AKAP9: variants seen among roughly 807,000 people sequenced by gnomAD.
AKAP9 encodes the protein A-kinase anchoring protein 9.
In AKAP9, 311 loss-of-function variants were observed where a neutral mutation model predicts 488.5. The observed-to-expected ratio is 0.64, with a 90% CI of 0.58 to 0.70. The LOEUF is 0.70. AKAP9 is among the 30% of genes least tolerant of loss of function. The pLI, the probability that AKAP9 is intolerant of heterozygous loss-of-function variation, is 0.00. For missense variants in AKAP9, 4,215 were observed against 4,374.5 expected (o/e 0.96, Z 1.03); for synonymous variants, 1,462 against 1,483.5 (o/e 0.99, Z 0.33).
rs1791859404 is a variant in AKAP9, at chr7:91,948,990, A to G, written c.48+7843A>G. On this transcript the variant is annotated intron_variant, in intron 1 of 49. Transcript: ENST00000356239. Reference sequence around the variant, plus strand: ...GGTCTTGAACTCCTGACCTCAGGTGATCTGCCCACCTCGGCCTCCCAAAGT... The same window carrying G: ...GGTCTTGAACTCCTGACCTCAGGTGGTCTGCCCACCTCGGCCTCCCAAAGT... Among the ~76,000 whole-genome samples the G allele has an allele frequency of 1.3e-5, 2 of 152,104 alleles. 1 individual carries two copies. Among genetic ancestry groups the G allele is most frequent in the South Asian group, 4.1e-4 (2 of 4,830 alleles).
Position 92,096,549 on chromosome 7 carries a change from C to T in AKAP9, c.9730-140C>T. 4 of 887,208 alleles carry T rather than the reference C, an allele frequency of 4.5e-6. No individual in the cohort carries two copies. The South Asian group carries it at 4.9e-5, about 11-fold the overall frequency. 55.0% of individuals were successfully genotyped at this position (887,208 alleles called of 1,614,324 possible). A position where few individuals can be genotyped will look rare whatever the true frequency, so the allele number is the denominator to read the frequency against. On this transcript the variant is annotated intron_variant, in intron 40 of 49. Transcript: ENST00000356239. ...ACAGGGTTTCACCATGTTGGCCAGG[C>T]TGGGCTTGAACTCTTGACCTCAGGT... is the stretch of plus-strand genomic sequence containing the variant.
At chr7:92,048,599 T>G (rs1336632425) in intron 21 of AKAP9, among the ~76,000 whole-genome samples, 1 of 152,094 alleles carries the variant, frequency 6.6e-6, no homozygotes, top group Non-Finnish European at 1.5e-5. Context: ...TTTGGAGAAA[T>G]GCTGTCTTAT....
At chr7:92,056,598 A>G (rs972629971) in intron 22 of AKAP9, among the ~76,000 whole-genome samples, 2 of 151,584 alleles carry the variant, frequency 1.3e-5, no homozygotes, top group Admixed American at 1.3e-4. Flanking sequence ...AAACCCTAAT[A>G]AACAAAAAAT....
At chr7:92,104,248 T>C (rs1009816199) in intron 46 of AKAP9, among the ~76,000 whole-genome samples, 6 of 151,028 alleles carry the variant, frequency 4.0e-5, no homozygotes, top group African/African-American at 1.2e-4. Flanking sequence ...TGGAGTGCAG[T>C]GGTGCTATCT....
intron 45 of AKAP9, 146 bp from the exon 46 acceptor site, chr7:92,102,448 T>C (rs746770750): frequency 1.2e-4 from 71 of 594,640 alleles, no homozygotes; most frequent in Admixed American, 4.0e-4. Flanking sequence ...CGTTTTACTA[T>C]TACTACTACT....
Position 91,980,518 on chromosome 7 carries a change from T to TTTC in AKAP9, c.351+185_351+186insTTC, listed in dbSNP as rs1554393473. 9.1e-5 allele frequency among the ~76,000 whole-genome samples: 13 copies of TTTC among 143,086 alleles called. No homozygotes were observed. The South Asian group carries it at 2.7e-3, about 30-fold the overall frequency. 93.9% of individuals were successfully genotyped at this position (143,086 alleles called of 152,430 possible). On this transcript the variant is annotated intron_variant, in intron 3 of 49. Transcript: ENST00000356239. ...GACTTTTTTTTTTTTTTTTTTTTTT[T>TTTC]CAGATTATTAGCTAAGGTCTTAAGT...
intron 1 of AKAP9, among the ~76,000 whole-genome samples, chr7:91,945,751 A>G (rs564273798): frequency 1.2e-4 from 18 of 152,324 alleles, no homozygotes; most frequent in Non-Finnish European, 1.8e-4. Context: ...GGATGGCACT[A>G]CATAGGTTGT....
chr7:92,038,344 A>G, intron 16 of AKAP9, 75 bp from the exon 17 acceptor site: 2 of 1,167,900 alleles, frequency 1.7e-6, no homozygotes, highest in South Asian at 2.7e-5. Context: ...TACAATTTTG[A>G]GTACTAATTT....
chr7:92,053,311 A>G (rs1442271256), intron 22 of AKAP9, among the ~76,000 whole-genome samples: 1 of 152,208 alleles, frequency 6.6e-6, no homozygotes, highest in Non-Finnish European at 1.5e-5. Context: ...GCCAGTGTTA[A>G]TGCTGTTGCT....
chr7:92,070,491 A>G (rs151131591), intron 27 of AKAP9, among the ~76,000 whole-genome samples: 1,696 of 151,904 alleles, frequency 0.011, 142 homozygotes, highest in Admixed American at 0.1. Flanking sequence ...CTGGAGTGCA[A>G]TGGTGCGACC....
At chr7:92,067,932 A>C (rs1811020036) in intron 26 of AKAP9, among the ~76,000 whole-genome samples, 1 of 152,214 alleles carries the variant, frequency 6.6e-6, no homozygotes, top group Non-Finnish European at 1.5e-5. Context: ...ATTATTTCTG[A>C]AACAATTTTT....
At position 91,954,532 on chromosome 7, in the gene AKAP9, T is replaced by G. The variant is rs558087929; in HGVS notation, c.48+13385T>G. Among the ~76,000 whole-genome samples, 34 of 152,342 alleles carry G rather than the reference T, an allele frequency of 2.2e-4. No individual in the cohort carries two copies. The South Asian group carries it at 7.0e-3, about 32-fold the overall frequency. On this transcript the variant is annotated intron_variant, in intron 1 of 49. Transcript: ENST00000356239. ...ATCCTCCCACCTCAGCCTCCTGAAG[T>G]GCTGGGGTTATGGGCGCAAGCCACT...
intron 1 of AKAP9, among the ~76,000 whole-genome samples, chr7:91,955,992 A>G (rs1562891723): frequency 6.6e-6 from 1 of 152,066 alleles, no homozygotes. Context: ...GTATTTCCTC[A>G]TTTTCCATAA....
At chr7:92,073,378 C>T (rs1038459439) in intron 28 of AKAP9, among the ~76,000 whole-genome samples, 21 of 149,698 alleles carry the variant, frequency 1.4e-4, no homozygotes, top group Non-Finnish European at 1.8e-4. Context: ...TGGTGGCGGG[C>T]GCCTGTAGTC....
intron 3 of AKAP9, among the ~76,000 whole-genome samples, chr7:91,987,176 G>C (rs1017192642): frequency 2.0e-5 from 3 of 152,070 alleles, no homozygotes; most frequent in Admixed American, 6.6e-5. Context: ...CCCACACTTT[G>C]GGAGGCCAAA....
intron 31 of AKAP9, among the ~76,000 whole-genome samples, chr7:92,081,318 T>G (rs1584470103): frequency 6.6e-6 from 1 of 150,864 alleles, no homozygotes; most frequent in Non-Finnish European, 1.5e-5. Context: ...TTTTTTTTTT[T>G]CTTGAGACAG....
At position 92,099,747 on chromosome 7, in the gene AKAP9, A is replaced by C. The variant is rs751653287; in HGVS notation, c.10774A>C (p.Asn3592His). Reference sequence around the variant, plus strand: ...ATTGACTGAAAGACTACTGAGACAAAATGCTGAGCTGACAGGGCATATCAG... The same window carrying C: ...ATTGACTGAAAGACTACTGAGACAACATGCTGAGCTGACAGGGCATATCAG... ...GSLTERLLRQ[N>H]AELTGHISQL... Residue 3592 changes from asparagine to histidine, a missense_variant, in exon 44 of 50, where the codon AAT becomes CAT. Around this residue, in one of 5 missense-constraint regions of AKAP9, gnomAD observed 74 missense variants for 113.0 expected, o/e 0.65. Transcript: ENST00000356239. 2.2e-5 allele frequency: 36 copies of C among 1,614,006 alleles called. No individual in the cohort carries two copies. Among genetic ancestry groups the C allele is most frequent in the Non-Finnish European group, 3.1e-5 (36 of 1,180,004 alleles).
intron 1 of AKAP9, among the ~76,000 whole-genome samples, chr7:91,971,628 C>T (rs1400581415): frequency 3.2e-5 from 4 of 125,676 alleles, no homozygotes; most frequent in Admixed American, 1.0e-4. Context: ...AGTGCAGTGG[C>T]GCGATTTCAG....
chr7:91,976,775 T>G (rs1023045634), intron 2 of AKAP9, among the ~76,000 whole-genome samples: 4 of 152,194 alleles, frequency 2.6e-5, no homozygotes, highest in Admixed American at 2.6e-4. Context: ...TACTACTGAG[T>G]CCTTCTAGTG....
Sources: gnomAD v4.1 joint callset for allele counts (sites outside exome capture counted in the v4.1 genomes callset) on GRCh38, gnomAD v4.1.1 for gene constraint, gnomAD v4.1.1 regional missense constraint, MANE v1.5 for transcripts, NCBI Gene and HGNC (gene_info 2026-07-23, HGNC 2026-07-21) for gene names.